Variants in PTPRN2 observed in about 807,000 individuals in gnomAD.
The protein encoded by PTPRN2 is receptor-type tyrosine-protein phosphatase N2.
A neutral mutation model predicts 118.8 loss-of-function variants in PTPRN2; 74 were observed. That is an observed-to-expected ratio of 0.62 (90% CI 0.52 to 0.76). PTPRN2 has a LOEUF of 0.76. Ranked by LOEUF, PTPRN2 falls within the 30% of genes least tolerant of loss-of-function variation. The probability of loss-of-function intolerance (pLI) is 0.00; values close to 1 mark genes in which losing one functional copy is unlikely to be tolerated. For missense variants in PTPRN2, 1,481 were observed against 1,394.4 expected, an observed-to-expected ratio of 1.06 and a Z score of -0.99; for synonymous variants, 641 against 608.0, an observed-to-expected ratio of 1.05 and a Z score of -0.80.
At chr7:157,837,249 G>C (rs1329137859) in intron 12 of PTPRN2, among the ~76,000 whole-genome samples, 2 of 125,350 alleles carry the variant, frequency 1.6e-5, no homozygotes, top group African/African-American at 6.1e-5. Context: ...ACCCTTCCAT[G>C]TGTCCCTCCA....
chr7:157,822,671 A>G (rs749244410), intron 12 of PTPRN2, among the ~76,000 whole-genome samples: 1 of 151,826 alleles, frequency 6.6e-6, no homozygotes, highest in Non-Finnish European at 1.5e-5. Flanking sequence ...CCATGCATCC[A>G]TCTACACACT....
chr7:158,419,366 T>A (rs1409818631), intron 2 of PTPRN2, among the ~76,000 whole-genome samples: 2 of 152,274 alleles, frequency 1.3e-5, no homozygotes, highest in Non-Finnish European at 2.9e-5. Flanking sequence ...CCAGCAAGAA[T>A]TCCGTCACTG....
intron 11 of PTPRN2, among the ~76,000 whole-genome samples, chr7:158,051,330 C>T (rs930305411): frequency 6.6e-6 from 1 of 152,206 alleles, no homozygotes; most frequent in Non-Finnish European, 1.5e-5. Context: ...TATTATGGGA[C>T]TGTGGGGACA....
intron 12 of PTPRN2, among the ~76,000 whole-genome samples, chr7:157,767,603 C>T (rs890143627): frequency 6.6e-6 from 1 of 152,210 alleles, no homozygotes. Flanking sequence ...CAGCAACTGG[C>T]CAGGGCGACC....
intron 3 of PTPRN2, among the ~76,000 whole-genome samples, chr7:158,302,676 G>A (rs571968944): frequency 3.9e-5 from 6 of 152,218 alleles, no homozygotes; most frequent in African/African-American, 9.7e-5. Flanking sequence ...CACACGTGCC[G>A]CAGCTGGAAC....
intron 21 of PTPRN2, among the ~76,000 whole-genome samples, chr7:157,549,319 T>TTC (rs1452182259): frequency 4.0e-5 from 5 of 125,840 alleles, no homozygotes; most frequent in Admixed American, 1.6e-4. Flanking sequence ...TTTTCTTTCT[T>TTC]TTCTTTTTTT....
chr7:158,024,641 T>C (rs899845754), intron 11 of PTPRN2, among the ~76,000 whole-genome samples: 1 of 152,064 alleles, frequency 6.6e-6, no homozygotes, highest in African/African-American at 2.4e-5. Context: ...CCTGACCCCA[T>C]GGGGCTGATC....
chr7:157,552,032 C>T (rs1386762841), intron 21 of PTPRN2, among the ~76,000 whole-genome samples: 1 of 150,630 alleles, frequency 6.6e-6, no homozygotes, highest in African/African-American at 2.4e-5. Context: ...CAACCCACAG[C>T]TGGCACACAC....
intron 4 of PTPRN2, among the ~76,000 whole-genome samples, chr7:158,202,818 T>C (rs1362507798): frequency 6.6e-6 from 1 of 152,192 alleles, no homozygotes; most frequent in Non-Finnish European, 1.5e-5. Flanking sequence ...TTTTACAAAA[T>C]ATAATATGTG....
chr7:158,476,902 C>T (rs1820310892), intron 2 of PTPRN2, among the ~76,000 whole-genome samples: 2 of 152,222 alleles, frequency 1.3e-5, no homozygotes, highest in Admixed American at 1.3e-4. Flanking sequence ...ATGCATACAT[C>T]TGAGCTCACA....
Position 158,574,252 on chromosome 7 carries a change from A to G in PTPRN2, c.112+13306T>C, listed in dbSNP as rs529512036. Among the ~76,000 whole-genome samples, 1 of 152,374 alleles carries G rather than the reference A, an allele frequency of 6.6e-6. No homozygotes were observed. Among genetic ancestry groups the G allele is most frequent in the South Asian group, 2.1e-4 (1 of 4,830 alleles). On this transcript the variant is annotated intron_variant, in intron 1 of 22. Transcript: ENST00000389418. The surrounding 1 kb of genome is among the most constrained non-coding windows in gnomAD (Gnocchi z 4.6). ...GACACTTAAAAACTAAGTATCTAAA[A>G]TGTTATTAATCACATTAATAAAAAT...
intron 12 of PTPRN2, among the ~76,000 whole-genome samples, chr7:157,732,066 A>G (rs151332227): frequency 0.15 from 3,146 of 20,906 alleles, 32 homozygotes; most frequent in South Asian, 0.25. Flanking sequence ...ACTCTTTTCC[A>G]CCCCATGCGC....
In PTPRN2 at chr7:157,622,687, G is replaced by A. The variant is rs1160025947; in HGVS notation, c.2197-1178C>T. Among the ~76,000 whole-genome samples the A allele has an allele frequency of 3.9e-5, 6 of 152,188 alleles. No individual in the cohort carries two copies. The highest frequency in any genetic ancestry group is 4.1e-4 in the South Asian group (2 of 4,832). On this transcript the variant is annotated intron_variant, in intron 14 of 22. Coordinates refer to ENST00000389418, the MANE Select transcript of PTPRN2 (RefSeq NM_002847.5). This position sits in a 1 kb window ranked among gnomAD's most constrained non-coding sequence, Gnocchi z 5.3. ...TGCATCGGGCACCTGTGCTGTTTGC[G>A]CGACACCCCCGCATCTGGGTGGGTG...
At chr7:158,048,560 CCATCACTATCATCAT>C (rs531977452) in intron 11 of PTPRN2, among the ~76,000 whole-genome samples, 21,491 of 151,588 alleles carry the variant, frequency 0.14, 1,903 homozygotes, top group Non-Finnish European at 0.2. Flanking sequence ...ACCATCATCA[CCATCACTATCATCAT>C]CATCACTATC....
chr7:157,564,139 A>AT (rs1799364900), intron 21 of PTPRN2, among the ~76,000 whole-genome samples: 1 of 146,116 alleles, frequency 6.8e-6, no homozygotes, highest in Non-Finnish European at 1.5e-5. Flanking sequence ...AGAAAAAAAA[A>AT]TATATTTTTG....
At chr7:158,063,976 T>C (rs73748014) in intron 11 of PTPRN2, among the ~76,000 whole-genome samples, 16,994 of 152,200 alleles carry the variant, frequency 0.11, 2,448 homozygotes, top group African/African-American at 0.34. Flanking sequence ...ACACACTACA[T>C]ACAATCACTC....
chr7:157,570,041 G>A (rs1013380906), intron 20 of PTPRN2, among the ~76,000 whole-genome samples: 2 of 152,230 alleles, frequency 1.3e-5, no homozygotes, highest in African/African-American at 4.8e-5. Context: ...GCTTTAACAT[G>A]TTTCCTCAAA....
intron 11 of PTPRN2, among the ~76,000 whole-genome samples, chr7:158,069,854 A>G (rs1232247366): frequency 1.3e-5 from 2 of 152,236 alleles, no homozygotes; most frequent in Non-Finnish European, 2.9e-5. Context: ...TTGCTCTCAC[A>G]TCAAATTATT....
intron 18 of PTPRN2, among the ~76,000 whole-genome samples, chr7:157,577,064 TTCTG>T (rs1326670845): frequency 2.0e-5 from 3 of 152,198 alleles, no homozygotes. Flanking sequence ...CTATCCTACT[TTCTG>T]TCTTTTGCAT....
Sources: gnomAD v4.1 joint callset for allele counts (sites outside exome capture counted in the v4.1 genomes callset) on GRCh38, gnomAD v4.1.1 for gene constraint, Gnocchi (gnomAD v3.1) non-coding constraint, MANE v1.5 for transcripts, NCBI Gene and HGNC (gene_info 2026-07-23, HGNC 2026-07-21) for gene names.